OPCML: variants seen among roughly 807,000 people sequenced by gnomAD.
The protein encoded by OPCML is opioid-binding protein/cell adhesion molecule.
OPCML carries 13 observed loss-of-function variants against 37.8 expected under a neutral mutation model. That is an observed-to-expected ratio of 0.34 (90% CI 0.22 to 0.55). OPCML has a LOEUF of 0.55. Ranked by LOEUF, OPCML falls within the 20% of genes least tolerant of loss-of-function variation. The pLI is 0.91. For missense variants in OPCML, 341 were observed against 435.6 expected (o/e 0.78, Z 1.93); for synonymous variants, 176 against 168.8 (o/e 1.04, Z -0.33).
chr11:133,161,567 C>T (rs746582760), intron 1 of OPCML, among the ~76,000 whole-genome samples: 3 of 152,040 alleles, frequency 2.0e-5, no homozygotes, highest in Non-Finnish European at 2.9e-5. Flanking sequence ...CAGAGGATCC[C>T]GAAGAGTTCT....
chr11:133,004,994 C>T (rs1397067649), intron 1 of OPCML: 23 of 985,300 alleles, frequency 2.3e-5, no homozygotes, highest in Non-Finnish European at 2.8e-5. Context: ...CTGCTGCACT[C>T]TTACTCCTCC....
At chr11:133,141,006 C>CGAAGAA (rs1420293000) in intron 1 of OPCML, among the ~76,000 whole-genome samples, 1 of 5,626 alleles carries the variant, frequency 1.8e-4, no homozygotes, top group African/African-American at 3.6e-4. Flanking sequence ...AAGACGACGA[C>CGAAGAA]GACGACGACG....
intron 3 of OPCML, among the ~76,000 whole-genome samples, chr11:132,594,788 A>T (rs554976625): frequency 1.3e-5 from 2 of 152,300 alleles, no homozygotes; most frequent in African/African-American, 4.8e-5. Flanking sequence ...AAATGGTCTG[A>T]TCTTCATAAA....
chr11:132,541,487 A>G (rs1382203411), intron 3 of OPCML, among the ~76,000 whole-genome samples: 3 of 151,432 alleles, frequency 2.0e-5, no homozygotes, highest in Non-Finnish European at 4.4e-5. Context: ...GTAAATGCCA[A>G]TGTTATGGGC....
intron 1 of OPCML, among the ~76,000 whole-genome samples, chr11:133,289,709 A>G (rs1435723514): frequency 6.6e-6 from 1 of 151,994 alleles, no homozygotes; most frequent in Non-Finnish European, 1.5e-5. Flanking sequence ...AAGGAAAAGG[A>G]GCTTGAGACA....
intron 2 of OPCML, among the ~76,000 whole-genome samples, chr11:132,819,558 A>T (rs1302846794): frequency 6.6e-6 from 1 of 152,246 alleles, no homozygotes; most frequent in Non-Finnish European, 1.5e-5. Context: ...ATAGGCCAAT[A>T]GATCATAGCC....
chr11:133,518,599 T>G (rs1279003954), intron 1 of OPCML, among the ~76,000 whole-genome samples: 1 of 150,460 alleles, frequency 6.6e-6, no homozygotes, highest in African/African-American at 2.5e-5. Context: ...CAGGTGCTGG[T>G]GTGTGTGGGG....
chr11:133,109,974 C>T (rs79852573), intron 1 of OPCML, among the ~76,000 whole-genome samples: 11,504 of 152,236 alleles, frequency 0.076, 1,382 homozygotes, highest in African/African-American at 0.26. Context: ...TTTTGCTCTC[C>T]ATAGGACATT....
At chr11:133,098,609 A>G (rs1196974011) in intron 1 of OPCML, among the ~76,000 whole-genome samples, 1 of 152,226 alleles carries the variant, frequency 6.6e-6, no homozygotes, top group Non-Finnish European at 1.5e-5. Context: ...GATGCATTTT[A>G]CAAAATCCAA....
intron 3 of OPCML, among the ~76,000 whole-genome samples, chr11:132,632,997 CT>C (rs1365608974): frequency 6.6e-6 from 1 of 151,128 alleles, no homozygotes; most frequent in East Asian, 1.9e-4. Context: ...CCCTGAGTGC[CT>C]CATGACAAGT....
At chr11:132,691,693 GA>G (rs1171905523) in intron 2 of OPCML, among the ~76,000 whole-genome samples, 1 of 152,080 alleles carries the variant, frequency 6.6e-6, no homozygotes, top group Non-Finnish European at 1.5e-5. Flanking sequence ...CTATTAAATG[GA>G]GAACAAAAAG....
chr11:133,105,986 A>T (rs1949151204), intron 1 of OPCML, among the ~76,000 whole-genome samples: 4 of 72,878 alleles, frequency 5.5e-5, no homozygotes, highest in Non-Finnish European at 8.3e-5. Flanking sequence ...CATCTTAAAA[A>T]TAAAAAAAAA....
intron 1 of OPCML, among the ~76,000 whole-genome samples, chr11:133,231,890 G>T (rs1940294986): frequency 6.6e-6 from 1 of 152,020 alleles, no homozygotes; most frequent in South Asian, 2.1e-4. Flanking sequence ...CAGGCAGGGA[G>T]TGGGGAAGTC....
In OPCML at chr11:132,925,700, T is replaced by A. The variant is rs1054504963; in HGVS notation, c.146+17226A>T. Among the ~76,000 whole-genome samples the A allele has an allele frequency of 4.6e-5, 7 of 152,194 alleles. No homozygotes were observed. The East Asian group carries it at 1.2e-3, about 25-fold the overall frequency. On this transcript the variant is annotated intron_variant, in intron 2 of 7. Transcript: ENST00000524381. ...GTTTCTGCCCAAAATAAACAGTGAA[T>A]CTCTGTATCTACCTGTCTCTAGTTT...
chr11:133,026,224 G>C (rs918508705), intron 1 of OPCML: 2 of 662,560 alleles, frequency 3.0e-6, no homozygotes, highest in Admixed American at 1.3e-4. Flanking sequence ...CCAGGTTAGA[G>C]AAGTCAGTTA....
intron 3 of OPCML, among the ~76,000 whole-genome samples, chr11:132,546,830 A>G (rs909398895): frequency 1.3e-5 from 2 of 152,210 alleles, no homozygotes; most frequent in Admixed American, 6.5e-5. Flanking sequence ...GACAGTGCTC[A>G]AATATGACTG....
intron 3 of OPCML, among the ~76,000 whole-genome samples, chr11:132,631,906 T>G (rs1940153980): frequency 6.6e-6 from 1 of 152,044 alleles, no homozygotes; most frequent in African/African-American, 2.4e-5. Context: ...ATTCTTTGTG[T>G]GTGTGAATGT....
intron 2 of OPCML, among the ~76,000 whole-genome samples, chr11:132,828,157 A>G (rs970470737): frequency 6.6e-6 from 1 of 152,176 alleles, no homozygotes; most frequent in African/African-American, 2.4e-5. Flanking sequence ...AAAATCATAT[A>G]CTATATAGTC....
chr11:133,002,618 A>T (rs1196524992), intron 1 of OPCML, among the ~76,000 whole-genome samples: 5 of 152,234 alleles, frequency 3.3e-5, no homozygotes. Flanking sequence ...AAGCTTTAAA[A>T]TGGTACTGAA....
Sources: allele counts gnomAD v4.1 joint callset (sites outside exome capture counted in the v4.1 genomes callset), GRCh38; gene constraint gnomAD v4.1.1; transcripts MANE v1.5; gene names NCBI Gene and HGNC (gene_info 2026-07-23, HGNC 2026-07-21).